Variants in DMD observed in about 807,000 individuals in gnomAD.
The protein encoded by DMD is dystrophin.
Under a neutral mutation model 330.1 loss-of-function variants are expected in DMD, and 63 were observed. The ratio of observed to expected loss-of-function variants is 0.19; its 90% CI spans 0.16 to 0.24. DMD has a LOEUF of 0.24. Ranked by LOEUF, DMD falls within the 10% of genes least tolerant of loss-of-function variation. DMD has a pLI of 1.00. For synonymous variants in DMD, 1,223 were observed against 959.8 expected, an observed-to-expected ratio of 1.27 and a Z score of -5.07; for missense variants, 3,344 against 2,684.1, an observed-to-expected ratio of 1.25 and a Z score of -5.43.
In DMD at chrX:32,698,808, G is replaced by A. The variant is rs754477661; in HGVS notation, c.831+304C>T. Among the ~76,000 whole-genome samples, 13 of 110,857 alleles carry A rather than the reference G, an allele frequency of 1.2e-4. No individual in the cohort carries two copies. In the East Asian group the frequency reaches 1.4e-3, roughly 12 times the overall value. ...GAAGATTTTAGAGTTTAATATGTAC[G>A]TAAGTTTGCCTTTCATTTCATTGTG... On this transcript the variant is annotated intron_variant, in intron 8 of 78. Coordinates refer to ENST00000357033, the MANE Select transcript of DMD (RefSeq NM_004006.3).
At chrX:33,015,941 T>C (rs1266480756) in intron 2 of DMD, among the ~76,000 whole-genome samples, 1 of 110,926 alleles carries the variant, frequency 9.0e-6, no homozygotes, top group Non-Finnish European at 1.9e-5. Context: ...GTTTCAGCAC[T>C]GACTGAGTGG....
At chrX:32,284,877 G>A (rs1462026884) in intron 43 of DMD, among the ~76,000 whole-genome samples, 1 of 111,951 alleles carries the variant, frequency 8.9e-6, no homozygotes, top group African/African-American at 3.2e-5. Flanking sequence ...TCTGGATAAG[G>A]ACAGGGTGGA....
intron 76 of DMD, among the ~76,000 whole-genome samples, chrX:31,141,443 A>G (rs1358931033): frequency 8.9e-6 from 1 of 112,409 alleles, no homozygotes; most frequent in Non-Finnish European, 1.9e-5. Context: ...AGTTTCTGGA[A>G]GATAGCTTAG....
In DMD at chrX:31,796,757, A is replaced by G. The variant is rs777550896; in HGVS notation, c.7310-22565T>C. Among the ~76,000 whole-genome samples the G allele has an allele frequency of 7.0e-4, 78 of 111,836 alleles. 1 individual carries two copies. Among genetic ancestry groups the G allele is most frequent in the African/African-American group, 2.2e-3 (68 of 30,772 alleles). On this transcript the variant is annotated intron_variant, in intron 50 of 78. Coordinates refer to ENST00000357033, the MANE Select transcript of DMD (RefSeq NM_004006.3). ...GGGGCTTAACGGGAAGTGTGGGGTC[A>G]TGGGGGTGGATCCTTCTTGAATGGC...
chrX:32,576,723 TGAGGGAGGGAGGGAGG>T (rs202042367), intron 13 of DMD, among the ~76,000 whole-genome samples: 27 of 62,421 alleles, frequency 4.3e-4, no homozygotes, highest in African/African-American at 1.3e-3. Flanking sequence ...AAACCATGGA[TGAGGGAGGGAGGGAGG>T]GAGGGAGGGA....
intron 34 of DMD, among the ~76,000 whole-genome samples, chrX:32,374,144 A>T (rs2097891546): frequency 9.2e-6 from 1 of 108,870 alleles, no homozygotes; most frequent in African/African-American, 3.3e-5. Context: ...CCTGTTTTTA[A>T]TCTGTTTTTT....
At chrX:32,245,944 T>C (rs2148119756) in intron 43 of DMD, among the ~76,000 whole-genome samples, 1 of 102,381 alleles carries the variant, frequency 9.8e-6, no homozygotes, top group Non-Finnish European at 2.0e-5. Context: ...CCTAACTGAA[T>C]ACCTTTTATT....
At chrX:31,241,244 T>C (rs767912408) in intron 63 of DMD, among the ~76,000 whole-genome samples, 63 of 111,878 alleles carry the variant, frequency 5.6e-4, no homozygotes, top group African/African-American at 2.0e-3. Context: ...GAAGAAAGTA[T>C]AGCTGAGGGG....
intron 2 of DMD, among the ~76,000 whole-genome samples, chrX:32,863,157 T>G (rs1203961105): frequency 9.0e-6 from 1 of 111,481 alleles, no homozygotes; most frequent in Non-Finnish European, 1.9e-5. Flanking sequence ...AGAAACGGTA[T>G]GGTACAAGGT....
intron 37 of DMD, among the ~76,000 whole-genome samples, chrX:32,352,965 AT>A (rs1757051510): frequency 9.0e-6 from 1 of 110,949 alleles, no homozygotes; most frequent in South Asian, 3.7e-4. Context: ...ATACTACTCT[AT>A]TTTCCAGTGA....
intron 20 of DMD, among the ~76,000 whole-genome samples, chrX:32,488,087 G>C (rs2042650186): frequency 9.0e-6 from 1 of 111,407 alleles, no homozygotes; most frequent in African/African-American, 3.3e-5. Context: ...GAAAAACAAA[G>C]GGGACTTTGA....
intron 1 of DMD, among the ~76,000 whole-genome samples, chrX:33,036,744 A>T (rs1046124385): frequency 9.0e-6 from 1 of 111,097 alleles, no homozygotes; most frequent in African/African-American, 3.3e-5. Flanking sequence ...TGTAATTCAT[A>T]TGTAATTCAA....
chrX:32,917,981 G>GAA (rs200449126), intron 2 of DMD, among the ~76,000 whole-genome samples: 5 of 88,276 alleles, frequency 5.7e-5, no homozygotes, highest in South Asian at 5.3e-4. Flanking sequence ...TCATCTGCTA[G>GAA]AAAAAAAAAA....
intron 59 of DMD, among the ~76,000 whole-genome samples, chrX:31,457,799 T>G (rs1034822761): frequency 4.5e-5 from 5 of 111,709 alleles, no homozygotes; most frequent in Non-Finnish European, 3.8e-5. Flanking sequence ...ACAAAATGGA[T>G]TTTTACTGAT....
intron 16 of DMD, among the ~76,000 whole-genome samples, chrX:32,554,161 C>G (rs1290522670): frequency 8.9e-6 from 1 of 111,897 alleles, no homozygotes; most frequent in Non-Finnish European, 1.9e-5. Flanking sequence ...ATTTATAGCA[C>G]TAAATGCTCA....
At chrX:33,029,477 G>T (rs189338338) in intron 1 of DMD, among the ~76,000 whole-genome samples, 2 of 111,547 alleles carry the variant, frequency 1.8e-5, no homozygotes, top group Non-Finnish European at 3.8e-5. Context: ...CACTGCAAAC[G>T]CCACTTCTTT....
chrX:32,447,004 C>A (rs72626040), intron 27 of DMD, among the ~76,000 whole-genome samples: 1 of 110,292 alleles, frequency 9.1e-6, no homozygotes, highest in Admixed American at 9.7e-5. Context: ...AAAATCCCTT[C>A]GGAAAATGTA....
intron 44 of DMD, among the ~76,000 whole-genome samples, chrX:32,119,156 C>T (rs183583030): frequency 3.5e-4 from 38 of 109,795 alleles, no homozygotes; most frequent in Admixed American, 1.6e-3. Context: ...ATGGTGAAAC[C>T]CTGTCTCTAC....
At chrX:31,545,188 T>C (rs140406026) in intron 55 of DMD, among the ~76,000 whole-genome samples, 3,950 of 112,164 alleles carry the variant, frequency 0.035, 175 homozygotes, top group African/African-American at 0.12. Flanking sequence ...CACATCTTGC[T>C]TTCTCTGACC....
Sources: gnomAD v4.1 joint callset for allele counts (sites outside exome capture counted in the v4.1 genomes callset) on GRCh38, gnomAD v4.1.1 for gene constraint, MANE v1.5 for transcripts, NCBI Gene and HGNC (gene_info 2026-07-23, HGNC 2026-07-21) for gene names.